Variants in TMEM132B observed in about 807,000 individuals in gnomAD.
TMEM132B encodes the protein transmembrane protein 132B.
TMEM132B carries 18 observed loss-of-function variants against 90.8 expected under a neutral mutation model. That is an observed-to-expected ratio of 0.20 (90% CI 0.14 to 0.29). The LOEUF (loss-of-function observed/expected upper bound fraction) is 0.29, where lower values mean the gene tolerates loss of function less well. Among genes scored for constraint, TMEM132B ranks in the 10% least tolerant of loss-of-function variants. The pLI, the probability that TMEM132B is intolerant of heterozygous loss-of-function variation, is 1.00. For missense variants in TMEM132B, 1,096 were observed against 1,326.8 expected, an observed-to-expected ratio of 0.83 and a Z score of 2.70; for synonymous variants, 504 against 523.3, an observed-to-expected ratio of 0.96 and a Z score of 0.50.
intron 1 of TMEM132B, among the ~76,000 whole-genome samples, chr12:125,254,421 C>G (rs749053622): frequency 6.6e-6 from 1 of 152,120 alleles, no homozygotes. Context: ...TTCATCAGCC[C>G]CCTTAGACTG....
At chr12:125,419,518 C>T (rs751131483) in intron 3 of TMEM132B, among the ~76,000 whole-genome samples, 2 of 152,116 alleles carry the variant, frequency 1.3e-5, no homozygotes, top group Non-Finnish European at 2.9e-5. Context: ...TGAGAAAGAC[C>T]CACCCCCATG....
chr12:125,491,405 A>C (rs1882346905), intron 3 of TMEM132B, among the ~76,000 whole-genome samples: 1 of 152,144 alleles, frequency 6.6e-6, no homozygotes, highest in South Asian at 2.1e-4. Flanking sequence ...GTAAAGATAA[A>C]CCCAAGTGAA....
intron 5 of TMEM132B, among the ~76,000 whole-genome samples, chr12:125,632,989 C>G (rs895372145): frequency 6.6e-6 from 1 of 151,998 alleles, no homozygotes. Flanking sequence ...TTCTACCTGT[C>G]TCTTACTCTA....
At chr12:125,367,005 T>C (rs1817911443) in intron 2 of TMEM132B, among the ~76,000 whole-genome samples, 1 of 152,204 alleles carries the variant, frequency 6.6e-6, no homozygotes, top group Admixed American at 6.5e-5. Flanking sequence ...ATCTAGACTT[T>C]CCATTTTGTT....
At chr12:125,603,636 A>G (rs1171508150) in intron 5 of TMEM132B, among the ~76,000 whole-genome samples, 1 of 152,260 alleles carries the variant, frequency 6.6e-6, no homozygotes, top group East Asian at 1.9e-4. Context: ...CTTCACAGCG[A>G]AAGAAACTAT....
At position 125,407,620 on chromosome 12, in the gene TMEM132B, G is replaced by C. The variant is rs1879538891; in HGVS notation, c.960-7911G>C. Among the ~76,000 whole-genome samples the C allele has an allele frequency of 6.6e-6, 1 of 152,200 alleles. No individual in the cohort carries two copies. The highest frequency in any genetic ancestry group is 2.1e-4 in the South Asian group (1 of 4,828). ...GTCTCTCTCCCTGGTCCAACCAGGA[G>C]GGATGCTCATCTGGACTCAGACTCT... On this transcript the variant is annotated intron_variant, in intron 2 of 8. Transcript: ENST00000682704. The surrounding 1 kb of genome is among the most constrained non-coding windows in gnomAD (Gnocchi z 6.7).
At position 125,209,775 on chromosome 12, in the gene TMEM132B, A is replaced by G. The variant is rs187113600; in HGVS notation, c.67+22909A>G. Among the ~76,000 whole-genome samples the G allele has an allele frequency of 6.6e-6, 1 of 152,242 alleles. No individual in the cohort carries two copies. Among genetic ancestry groups the G allele is most frequent in the Non-Finnish European group, 1.5e-5 (1 of 68,046 alleles). ...AGGGTTACTAATTTTATTAAAGAAC[A>G]CAATGACACCAGTTGTACCGGTATA... is the stretch of plus-strand genomic sequence containing the variant. On this transcript the variant is annotated intron_variant, in intron 1 of 8. Coordinates refer to ENST00000682704, the MANE Select transcript of TMEM132B (RefSeq NM_001366854.1). The surrounding 1 kb of genome is among the most constrained non-coding windows in gnomAD (Gnocchi z 4.4).
At chr12:125,515,671 TCA>T (rs1449125819) in intron 3 of TMEM132B, among the ~76,000 whole-genome samples, 2 of 149,468 alleles carry the variant, frequency 1.3e-5, no homozygotes, top group African/African-American at 2.5e-5. Flanking sequence ...ACATTCTTTC[TCA>T]CACTCACACA....
chr12:125,505,746 A>T (rs775556267), intron 3 of TMEM132B, among the ~76,000 whole-genome samples: 1 of 152,016 alleles, frequency 6.6e-6, no homozygotes, highest in Non-Finnish European at 1.5e-5. Context: ...AGGATTGGAG[A>T]TGATGGAAGA....
chr12:125,195,686 A>C (rs1479174848), intron 1 of TMEM132B, among the ~76,000 whole-genome samples: 23 of 152,064 alleles, frequency 1.5e-4, no homozygotes, highest in Admixed American at 1.4e-3. Flanking sequence ...GACGTGAGCC[A>C]CCGCACCTGG....
At chr12:125,629,757 A>G (rs1196008604) in intron 5 of TMEM132B, among the ~76,000 whole-genome samples, 2 of 152,184 alleles carry the variant, frequency 1.3e-5, no homozygotes, top group African/African-American at 4.8e-5. Flanking sequence ...CCTAATCAGT[A>G]TAATACTAAC....
At chr12:125,229,090 C>T (rs530707905) in intron 1 of TMEM132B, among the ~76,000 whole-genome samples, 1 of 152,192 alleles carries the variant, frequency 6.6e-6, no homozygotes, top group Non-Finnish European at 1.5e-5. Flanking sequence ...AAGCCTGGGT[C>T]CCTCATGACG....
intron 3 of TMEM132B, among the ~76,000 whole-genome samples, chr12:125,428,229 A>G (rs921657823): frequency 2.6e-5 from 4 of 152,054 alleles, no homozygotes; most frequent in South Asian, 4.2e-4. Context: ...GCTGGGTTCA[A>G]GTGATCCTCC....
chr12:125,535,848 A>G (rs1479676219), intron 4 of TMEM132B, among the ~76,000 whole-genome samples: 8 of 152,206 alleles, frequency 5.3e-5, no homozygotes, highest in African/African-American at 1.9e-4. Flanking sequence ...GCTTGCAGAT[A>G]GAGTAAATTT....
chr12:125,313,258 C>G (rs1876163481), intron 1 of TMEM132B, among the ~76,000 whole-genome samples: 1 of 152,116 alleles, frequency 6.6e-6, no homozygotes, highest in Non-Finnish European at 1.5e-5. Context: ...TAGCAAGGGT[C>G]AGTAAACCTT....
At chr12:125,240,201 A>G (rs1437724490) in intron 1 of TMEM132B, among the ~76,000 whole-genome samples, 1 of 152,152 alleles carries the variant, frequency 6.6e-6, no homozygotes, top group Non-Finnish European at 1.5e-5. Context: ...TGTTCTCTGC[A>G]ACAAAACCCT....
chr12:125,210,954 C>A (rs1181808017), intron 1 of TMEM132B, among the ~76,000 whole-genome samples: 1 of 152,100 alleles, frequency 6.6e-6, no homozygotes, highest in Non-Finnish European at 1.5e-5. Context: ...CAGAACGAAA[C>A]CCTGTCTCAA....
rs1876568251 is a variant in TMEM132B, at chr12:125,326,488, C to T, written c.68-22964C>T. 6 of 990,006 alleles carry T rather than the reference C, an allele frequency of 6.1e-6. No individual in the cohort carries two copies. The East Asian group carries it at 1.3e-4, about 22-fold the overall frequency. The allele number at this position is 990,006 out of a possible 1,614,324, so 61.3% of individuals were successfully genotyped here. On this transcript the variant is annotated intron_variant, in intron 1 of 8. Transcript: ENST00000682704. ...AATGGAGCACATGAGCTCTGACATT[C>T]CGTTGTCCTGGCAACCTGTATAGTA...
chr12:125,258,870 A>G (rs1565985596), intron 1 of TMEM132B, among the ~76,000 whole-genome samples: 1 of 152,224 alleles, frequency 6.6e-6, no homozygotes, highest in Non-Finnish European at 1.5e-5. Context: ...GCAAGGTGTC[A>G]TTTAATCTGA....
Sources: gnomAD v4.1 joint callset for allele counts (sites outside exome capture counted in the v4.1 genomes callset) on GRCh38, gnomAD v4.1.1 for gene constraint, Gnocchi (gnomAD v3.1) non-coding constraint, MANE v1.5 for transcripts, NCBI Gene and HGNC (gene_info 2026-07-23, HGNC 2026-07-21) for gene names.